Variants in JAZF1 observed in about 807,000 individuals in gnomAD.
The protein encoded by JAZF1 is juxtaposed with another zinc finger protein 1.
Under a neutral mutation model 26.4 loss-of-function variants are expected in JAZF1, and 8 were observed. The ratio of observed to expected loss-of-function variants is 0.30; its 90% confidence interval spans 0.18 to 0.55. The LOEUF is 0.55. JAZF1 is among the 20% of genes least tolerant of loss of function. The pLI, the probability that JAZF1 is intolerant of heterozygous loss-of-function variation, is 0.94. For synonymous variants in JAZF1, 126 were observed against 122.3 expected, an observed-to-expected ratio of 1.03 and a Z score of -0.20; for missense variants, 199 against 322.0, an observed-to-expected ratio of 0.62 and a Z score of 2.92.
At chr7:28,140,272 G>A (rs1782943477) in intron 1 of JAZF1, among the ~76,000 whole-genome samples, 1 of 151,832 alleles carries the variant, frequency 6.6e-6, no homozygotes, top group Admixed American at 6.6e-5. Flanking sequence ...TAGTAGAGAT[G>A]GGGTTTTACC....
intron 1 of JAZF1, among the ~76,000 whole-genome samples, chr7:28,096,110 A>T (rs1439391045): frequency 6.6e-6 from 1 of 152,186 alleles, no homozygotes. Flanking sequence ...ATGGCGTGAG[A>T]CAGAAGACAC....
chr7:28,176,437 T>C (rs952496377), intron 1 of JAZF1, among the ~76,000 whole-genome samples: 1 of 152,184 alleles, frequency 6.6e-6, no homozygotes, highest in African/African-American at 2.4e-5. Context: ...TTGTCTCCCA[T>C]ATCAGCCTCT....
chr7:28,065,832 A>G (rs970849158), intron 1 of JAZF1, among the ~76,000 whole-genome samples: 1 of 152,154 alleles, frequency 6.6e-6, no homozygotes, highest in African/African-American at 2.4e-5. Flanking sequence ...TTTGTGTGTT[A>G]GCGATTACAG....
chr7:27,867,370 T>C (rs959164563), intron 3 of JAZF1, among the ~76,000 whole-genome samples: 2 of 152,214 alleles, frequency 1.3e-5, no homozygotes, highest in Non-Finnish European at 2.9e-5. Context: ...TTGAGAATAA[T>C]GTCGTGAGAG....
intron 1 of JAZF1, among the ~76,000 whole-genome samples, chr7:28,118,790 AC>A (rs1283545048): frequency 9.5e-5 from 14 of 146,980 alleles, no homozygotes; most frequent in Non-Finnish European, 1.7e-4. Context: ...ACACACACAC[AC>A]AACACACACA....
At chr7:27,977,756 T>G (rs1042355191) in intron 2 of JAZF1, among the ~76,000 whole-genome samples, 1 of 152,174 alleles carries the variant, frequency 6.6e-6, no homozygotes, top group African/African-American at 2.4e-5. Flanking sequence ...TCAGCAACTT[T>G]AGTTGTGCCG....
intron 1 of JAZF1, among the ~76,000 whole-genome samples, chr7:28,068,025 T>C (rs146250026): frequency 0.056 from 8,485 of 152,200 alleles, 409 homozygotes; most frequent in African/African-American, 0.13. Context: ...GTGATTTTCC[T>C]GCCTCGGCCT....
At chr7:27,903,549 C>T (rs181654183) in intron 2 of JAZF1, among the ~76,000 whole-genome samples, 51 of 152,292 alleles carry the variant, frequency 3.3e-4, no homozygotes, top group African/African-American at 1.2e-3. Flanking sequence ...CAGGCAAATT[C>T]AAGAAGACAG....
intron 1 of JAZF1, among the ~76,000 whole-genome samples, chr7:28,077,619 A>G (rs936315668): frequency 2.6e-5 from 4 of 152,164 alleles, no homozygotes; most frequent in South Asian, 2.1e-4. Context: ...AATTTGGTAT[A>G]TAAGTCCTCC....
intron 1 of JAZF1, among the ~76,000 whole-genome samples, chr7:28,145,300 G>T (rs1244336171): frequency 2.0e-5 from 3 of 152,158 alleles, no homozygotes; most frequent in Non-Finnish European, 4.4e-5. Flanking sequence ...GCTTTTCCGG[G>T]TACTGAGGGT....
chr7:27,871,923 A>C (rs1783589857), intron 3 of JAZF1, among the ~76,000 whole-genome samples: 1 of 152,176 alleles, frequency 6.6e-6, no homozygotes, highest in Non-Finnish European at 1.5e-5. Flanking sequence ...TGGTGGTACT[A>C]TCTGTGGCAT....
At chr7:27,923,499 C>T (rs555578803) in intron 2 of JAZF1, among the ~76,000 whole-genome samples, 1 of 152,222 alleles carries the variant, frequency 6.6e-6, no homozygotes, top group Non-Finnish European at 1.5e-5. Context: ...CCAGACTCAG[C>T]CTCCTTCATC....
At chr7:28,088,383 T>C (rs7457754) in intron 1 of JAZF1, among the ~76,000 whole-genome samples, 19,372 of 152,242 alleles carry the variant, frequency 0.13, 1,326 homozygotes, top group Middle Eastern at 0.19. Flanking sequence ...ATAAGGAAAT[T>C]AGGCAATACA....
At chr7:28,002,287 C>T (rs1021966931) in intron 1 of JAZF1, among the ~76,000 whole-genome samples, 4 of 152,282 alleles carry the variant, frequency 2.6e-5, no homozygotes, top group Non-Finnish European at 2.9e-5. Context: ...TTGAAACCAA[C>T]TGAATGGTAA....
intron 1 of JAZF1, among the ~76,000 whole-genome samples, chr7:28,129,441 G>A (rs1782754622): frequency 6.6e-6 from 1 of 152,116 alleles, no homozygotes; most frequent in African/African-American, 2.4e-5. Context: ...TTCATTTGGT[G>A]TGAACTGGGG....
At chr7:28,170,875 G>A (rs780270875) in intron 1 of JAZF1, among the ~76,000 whole-genome samples, 4 of 152,140 alleles carry the variant, frequency 2.6e-5, no homozygotes, top group South Asian at 2.1e-4. Flanking sequence ...TGGCTACCCC[G>A]GGCATTTTCC....
chr7:27,907,191 T>G (rs1012588988), intron 2 of JAZF1, among the ~76,000 whole-genome samples: 1 of 152,178 alleles, frequency 6.6e-6, no homozygotes, highest in African/African-American at 2.4e-5. Flanking sequence ...AATGACTCCT[T>G]CTCATCTTGG....
At chr7:28,126,531 G>A (rs1211189250) in intron 1 of JAZF1, among the ~76,000 whole-genome samples, 5 of 152,006 alleles carry the variant, frequency 3.3e-5, no homozygotes, top group African/African-American at 1.2e-4. Context: ...GGGGGGAAGC[G>A]AGTCTCACTC....
At chr7:28,075,855 T>C (rs1251571227) in intron 1 of JAZF1, among the ~76,000 whole-genome samples, 3 of 152,244 alleles carry the variant, frequency 2.0e-5, no homozygotes, top group Non-Finnish European at 4.4e-5. Context: ...ACTGGTTATC[T>C]TGACCACAGT....
Sources: allele counts gnomAD v4.1 joint callset (sites outside exome capture counted in the v4.1 genomes callset), GRCh38; gene constraint gnomAD v4.1.1; transcripts MANE v1.5; gene names NCBI Gene and HGNC (gene_info 2026-07-23, HGNC 2026-07-21).